The following EFHD1 variants were observed in gnomAD, a reference collection of about 807,000 sequenced individuals.
EFHD1 encodes the protein EF-hand domain-containing protein D1.
EFHD1 carries 10 observed loss-of-function variants against 17.2 expected under a neutral mutation model. The ratio of observed to expected loss-of-function variants is 0.58; its 90% CI spans 0.36 to 0.99. EFHD1 has a LOEUF of 0.99. EFHD1 is among the 50% of genes least tolerant of loss of function. The probability of loss-of-function intolerance (pLI) is 0.01; values close to 1 mark genes in which losing one functional copy is unlikely to be tolerated. For missense variants in EFHD1, 310 were observed against 327.5 expected (o/e 0.95, Z 0.41); for synonymous variants, 153 against 142.0 (o/e 1.08, Z -0.55).
At chr2:232,647,178 GCCC>G (rs1694546976) in intron 1 of EFHD1, among the ~76,000 whole-genome samples, 9 of 152,258 alleles carry the variant, frequency 5.9e-5, no homozygotes, top group Admixed American at 5.9e-4. Context: ...TTATGTTCCA[GCCC>G]AGTGTTCTTT....
At chr2:232,633,439 G>C (rs981094843), upstream of EFHD1, 35 of 1,213,882 alleles carry the variant, frequency 2.9e-5, no homozygotes, top group Admixed American at 2.2e-4. Context: ...GAAGCAGGTC[G>C]GGGTCTCCGG....
upstream of EFHD1, among the ~76,000 whole-genome samples, chr2:232,630,176 C>T (rs1483733189): frequency 6.6e-6 from 1 of 152,090 alleles, no homozygotes; most frequent in Non-Finnish European, 1.5e-5. Flanking sequence ...TCTTGCACTC[C>T]TCACCTCAAA....
intron 1 of EFHD1, among the ~76,000 whole-genome samples, chr2:232,642,776 G>A (rs935630638): frequency 6.6e-6 from 1 of 151,770 alleles, no homozygotes; most frequent in African/African-American, 2.4e-5. Context: ...GTCACCTCCA[G>A]CTGTTCCCGA....
At position 232,662,876 on chromosome 2, in the gene EFHD1, A is replaced by G. The variant is rs1250798320; in HGVS notation, c.377A>G (p.Gln126Arg). Reference sequence around the variant, plus strand: ...ATGATGGAGAAGCTGGGGGCCCCCCAGACCCACCTGGGCCTGAAGAGCATG... The same window carrying G: ...ATGATGGAGAAGCTGGGGGCCCCCCGGACCCACCTGGGCCTGAAGAGCATG... ...KLMMEKLGAP[Q>R]THLGLKSMIK... Residue 126 changes from glutamine (Q) to arginine (R), a missense_variant, in exon 2 of 4, where the codon CAG becomes CGG. Transcript: ENST00000264059. 3 of 1,596,686 alleles carry G rather than the reference A, an allele frequency of 1.9e-6. No individual in the cohort carries two copies. Among genetic ancestry groups the G allele is most frequent in the African/African-American group, 2.7e-5 (2 of 73,664 alleles).
At chr2:232,654,299 G>A (rs562657852) in intron 1 of EFHD1, among the ~76,000 whole-genome samples, 77 of 151,024 alleles carry the variant, frequency 5.1e-4, no homozygotes, top group African/African-American at 1.8e-3. Flanking sequence ...GACCTTTTTT[G>A]TTAGGCCTGG....
chr2:232,647,554 C>T (rs1276767657), intron 1 of EFHD1, among the ~76,000 whole-genome samples: 1 of 152,220 alleles, frequency 6.6e-6, no homozygotes, highest in Admixed American at 6.5e-5. Context: ...CCCTGATATC[C>T]ACAGGGCTCC....
chr2:232,649,585 C>G (rs1382003299), intron 1 of EFHD1, among the ~76,000 whole-genome samples: 1 of 152,158 alleles, frequency 6.6e-6, no homozygotes, highest in Non-Finnish European at 1.5e-5. Context: ...CTGTCTGCTT[C>G]CTCATGACCG....
chr2:232,660,164 G>GTTAT (rs1319887161), intron 1 of EFHD1, among the ~76,000 whole-genome samples: 63 of 145,902 alleles, frequency 4.3e-4, no homozygotes, highest in Admixed American at 1.1e-3. Context: ...TTAAATTTGT[G>GTTAT]TTATTTATTT....
chr2:232,617,515 G>A (rs1159986158), intron 1 of EFHD1, among the ~76,000 whole-genome samples: 5 of 151,718 alleles, frequency 3.3e-5, no homozygotes, highest in Non-Finnish European at 7.4e-5. Flanking sequence ...TTAGCCAGGC[G>A]TGGTGGTGGG....
intron 1 of EFHD1, among the ~76,000 whole-genome samples, chr2:232,613,429 A>G (rs747387565): frequency 3.9e-5 from 6 of 152,132 alleles, no homozygotes; most frequent in Non-Finnish European, 8.8e-5. Flanking sequence ...GTCTCAAGAA[A>G]GAAGCATATG....
In EFHD1 at chr2:232,606,174, G is replaced by A. The variant is rs1693707772; in HGVS notation, c.14+1G>A. ...CCAGACATACGATGGGAGAGTTGCA[G>A]TAAGTGCTCTTTAAATCCCCTTTCA... On this transcript the variant is annotated splice_donor_variant, in intron 1 of 3. Transcript: ENST00000409613. LOFTEE classifies it high-confidence loss of function. 2 of 1,542,862 alleles carry A rather than the reference G, an allele frequency of 1.3e-6. No individual in the cohort carries two copies. The highest frequency in any genetic ancestry group is 8.8e-7 in the Non-Finnish European group (1 of 1,141,774).
chr2:232,681,716 A>G lies in EFHD1; in HGVS notation c.717A>G (p.Thr239=), dbSNP rs1485397452. 14 of 1,613,852 alleles carry G rather than the reference A, an allele frequency of 8.7e-6. No individual in the cohort carries two copies. Among genetic ancestry groups the G allele is most frequent in the Non-Finnish European group, 1.1e-5 (13 of 1,179,938 alleles). The change falls in exon 4 of 4, where the codon ACA becomes ACG. Residue 239 remains threonine (T), a synonymous_variant. Coordinates refer to ENST00000264059, the MANE Select transcript of EFHD1 (RefSeq NM_025202.4). Reference sequence around the variant, plus strand: ...AGAAACTCAAGGCCAACTTCAATACATAGTCCTGCTGACCTTGCCCTCTGC... The same window carrying G: ...AGAAACTCAAGGCCAACTTCAATACGTAGTCCTGCTGACCTTGCCCTCTGC... ...AFQKLKANFN[T] is the part of the protein sequence containing the mutation.
At chr2:232,643,480 T>A (rs996302944) in intron 1 of EFHD1, among the ~76,000 whole-genome samples, 11 of 152,038 alleles carry the variant, frequency 7.2e-5, no homozygotes, top group Non-Finnish European at 1.5e-4. Flanking sequence ...CGATCATGGC[T>A]CACTGCAGCC....
chr2:232,629,891 C>T (rs1694173660), upstream of EFHD1, among the ~76,000 whole-genome samples: 1 of 151,888 alleles, frequency 6.6e-6, no homozygotes, highest in Non-Finnish European at 1.5e-5. Flanking sequence ...TTTTACAAAA[C>T]ATGGGTCATA....
At chr2:232,606,896 AT>A (rs1693723850) in intron 1 of EFHD1, among the ~76,000 whole-genome samples, 1 of 143,126 alleles carries the variant, frequency 7.0e-6, no homozygotes, top group Admixed American at 7.0e-5. Flanking sequence ...TCTCAAAAAA[AT>A]AAAATAAAAT....
intron 1 of EFHD1, among the ~76,000 whole-genome samples, chr2:232,619,935 AAAAGAATGC>A (rs1008289632): frequency 5.9e-5 from 9 of 152,110 alleles, no homozygotes; most frequent in Non-Finnish European, 1.3e-4. Context: ...ATTAAAAAAC[AAAAGAATGC>A]ACAGGCTCCA....
rs1185981167 is a variant in EFHD1, at chr2:232,672,377, A to G, written c.519A>G (p.Ala173=). The change falls in exon 3 of 4, where the codon GCA becomes GCG. Residue 173 remains alanine, a synonymous_variant. Coordinates refer to ENST00000264059, the MANE Select transcript of EFHD1 (RefSeq NM_025202.4). The stretch of plus-strand genomic sequence containing the variant: ...AGGACAGTGGGCTGATGGCGCTGGC[A>G]AAGCTTTCTGAGATCGATGTGGCCC... The part of the protein sequence containing the change: ...LQEDSGLMAL[A]KLSEIDVALE... The G allele has an allele frequency of 1.9e-6, 3 of 1,614,014 alleles. No homozygotes were observed. The highest frequency in any genetic ancestry group is 3.3e-5 in the Admixed American group (2 of 59,980).
intron 2 of EFHD1, among the ~76,000 whole-genome samples, chr2:232,667,835 G>A (rs753448746): frequency 2.2e-4 from 34 of 152,268 alleles, no homozygotes; most frequent in Non-Finnish European, 3.7e-4. Context: ...TGGGATTACG[G>A]GTGTGAGCCA....
At chr2:232,636,624 G>A (rs1175739634) in intron 1 of EFHD1, among the ~76,000 whole-genome samples, 1 of 152,076 alleles carries the variant, frequency 6.6e-6, no homozygotes, top group Non-Finnish European at 1.5e-5. Context: ...AGGAGTTCGA[G>A]GCCAGCCTGA....
Sources: allele counts gnomAD v4.1 joint callset (sites outside exome capture counted in the v4.1 genomes callset), GRCh38; gene constraint gnomAD v4.1.1; transcripts MANE v1.5; gene names NCBI Gene and HGNC (gene_info 2026-07-23, HGNC 2026-07-21).